HDAC9: variants seen among roughly 807,000 people sequenced by gnomAD.
HDAC9 encodes histone deacetylase 9.
HDAC9 carries 41 observed loss-of-function variants against 139.4 expected under a neutral mutation model. The observed-to-expected ratio is 0.29, with a 90% CI of 0.23 to 0.38. HDAC9 has a LOEUF of 0.38. Among genes scored for constraint, HDAC9 ranks in the 10% least tolerant of loss-of-function variants. The pLI, the probability that HDAC9 is intolerant of heterozygous loss-of-function variation, is 1.00. For synonymous variants in HDAC9, 517 were observed against 476.2 expected (o/e 1.09, Z -1.12); for missense variants, 1,147 against 1,297.0 (o/e 0.88, Z 1.78).
chr7:18,684,175 T>C (rs1031655301), intron 12 of HDAC9, among the ~76,000 whole-genome samples: 4 of 151,814 alleles, frequency 2.6e-5, no homozygotes, highest in African/African-American at 9.7e-5. Flanking sequence ...GGAGAGTCAC[T>C]TGAGCCTGGA....
chr7:18,559,887 A>C (rs2128702457), intron 2 of HDAC9, among the ~76,000 whole-genome samples: 1 of 152,324 alleles, frequency 6.6e-6, no homozygotes, highest in East Asian at 1.9e-4. Flanking sequence ...TATACCACCT[A>C]AATATAAGTC....
chr7:18,330,508 C>T lies in HDAC9; in HGVS notation c.-42+39993C>T, dbSNP rs115245750. 4.8e-3 allele frequency among the ~76,000 whole-genome samples: 731 copies of T among 151,576 alleles called. 4 individuals are homozygous for T. Among genetic ancestry groups the T allele is most frequent in the African/African-American group, 0.017 (689 of 41,408 alleles). On this transcript the variant is annotated intron_variant, in intron 1 of 3. Coordinates refer to the HDAC9 transcript ENST00000413509. ...GACTAATGGGTTGAAAAGATATTAACTTCAGAAAAACCAAAGAGAATTAAT... is the reference window on the plus strand; with the variant it reads ...GACTAATGGGTTGAAAAGATATTAATTTCAGAAAAACCAAAGAGAATTAAT...
intron 16 of HDAC9, among the ~76,000 whole-genome samples, chr7:18,787,928 C>G (rs1246105840): frequency 5.9e-5 from 9 of 152,114 alleles, no homozygotes; most frequent in Admixed American, 5.9e-4. Flanking sequence ...TCAAGATCAC[C>G]TTATTATTGG....
At chr7:18,701,781 G>C (rs1783508503) in intron 12 of HDAC9, among the ~76,000 whole-genome samples, 2 of 152,220 alleles carry the variant, frequency 1.3e-5, no homozygotes, top group Non-Finnish European at 2.9e-5. Flanking sequence ...CCACATATCT[G>C]TGATGTCTTG....
Position 18,663,938 on chromosome 7 carries a change from G to A in HDAC9, c.1468-2275G>A, listed in dbSNP as rs565942946. On this transcript the variant is annotated intron_variant, in intron 11 of 25. Coordinates refer to ENST00000686413, the MANE Select transcript of HDAC9 (RefSeq NM_178425.4). ...GTCCCTCTCTCTCTCTGAATAATGAGCGGATGTTTGTTACCCAGTGTCCTT... is the reference window on the plus strand; with the variant it reads ...GTCCCTCTCTCTCTCTGAATAATGAACGGATGTTTGTTACCCAGTGTCCTT... 2.0e-4 allele frequency among the ~76,000 whole-genome samples: 30 copies of A among 152,232 alleles called. 1 individual carries two copies. The highest frequency in any genetic ancestry group is 7.2e-4 in the African/African-American group (30 of 41,564).
chr7:18,819,278 T>TCAAAAAAAAAAA (rs1391937438), intron 17 of HDAC9, among the ~76,000 whole-genome samples: 2 of 152,062 alleles, frequency 1.3e-5, no homozygotes, highest in African/African-American at 4.8e-5. Flanking sequence ...AGACTCCATC[T>TCAAAAAAAAAAA]AAAAATAATA....
At chr7:18,837,332 A>G in intron 21 of HDAC9, among the ~76,000 whole-genome samples, 1 of 152,040 alleles carries the variant, frequency 6.6e-6, no homozygotes, top group East Asian at 1.9e-4. Context: ...ATAAAAAATT[A>G]TGTTAAAAAA....
chr7:18,685,582 C>A (rs1371478854), intron 12 of HDAC9, among the ~76,000 whole-genome samples: 1 of 151,932 alleles, frequency 6.6e-6, no homozygotes, highest in African/African-American at 2.4e-5. Context: ...AATTATTTTT[C>A]TTTTATGTTC....
chr7:18,538,147 T>A (rs1439693933), intron 2 of HDAC9, among the ~76,000 whole-genome samples: 1 of 152,208 alleles, frequency 6.6e-6, no homozygotes, highest in East Asian at 1.9e-4. Context: ...CACCCTGAAT[T>A]CATTTTCTGG....
At chr7:18,349,520 C>T (rs1283092269) in intron 1 of HDAC9, among the ~76,000 whole-genome samples, 3 of 152,106 alleles carry the variant, frequency 2.0e-5, no homozygotes, top group African/African-American at 4.8e-5. Context: ...TTTATCCCCA[C>T]TGCCTAGCAC....
intron 21 of HDAC9, among the ~76,000 whole-genome samples, chr7:18,857,934 T>A (rs915466524): frequency 1.7e-4 from 26 of 152,184 alleles, no homozygotes; most frequent in African/African-American, 6.3e-4. Context: ...GCTAATTTTT[T>A]AAATATGAGG....
At chr7:18,532,775 T>G (rs895716194) in intron 2 of HDAC9, among the ~76,000 whole-genome samples, 1 of 152,014 alleles carries the variant, frequency 6.6e-6, no homozygotes, top group Non-Finnish European at 1.5e-5. Flanking sequence ...AATCCTCCTT[T>G]TCACTCCACA....
intron 24 of HDAC9, among the ~76,000 whole-genome samples, chr7:18,966,412 G>C (rs1459958287): frequency 6.6e-6 from 1 of 152,194 alleles, no homozygotes; most frequent in Non-Finnish European, 1.5e-5. Context: ...TTAGAAGATA[G>C]AGTTAGGGGT....
chr7:18,785,252 A>T (rs1791612061), intron 16 of HDAC9, among the ~76,000 whole-genome samples: 1 of 152,038 alleles, frequency 6.6e-6, no homozygotes, highest in African/African-American at 2.4e-5. Flanking sequence ...AACAGCATTG[A>T]TTCTGTTCAG....
chr7:18,437,819 A>G (rs1216854265), intron 1 of HDAC9, among the ~76,000 whole-genome samples: 1 of 151,264 alleles, frequency 6.6e-6, no homozygotes, highest in Non-Finnish European at 1.5e-5. Context: ...TAAAAAGGGA[A>G]AGTCCCTCTC....
chr7:18,125,201 G>A (rs1020910564), intron 1 of HDAC9, among the ~76,000 whole-genome samples: 3 of 152,056 alleles, frequency 2.0e-5, no homozygotes, highest in Non-Finnish European at 4.4e-5. Flanking sequence ...TTTACCCTTT[G>A]TCTCAGCCAT....
At chr7:18,091,404 G>A (rs1207873142) in intron 1 of HDAC9, among the ~76,000 whole-genome samples, 1 of 152,222 alleles carries the variant, frequency 6.6e-6, no homozygotes, top group Non-Finnish European at 1.5e-5. Flanking sequence ...ATAAGAAGGA[G>A]ATGGGTGTGG....
chr7:18,919,368 G>A (rs1241145671), intron 22 of HDAC9, among the ~76,000 whole-genome samples: 1 of 151,990 alleles, frequency 6.6e-6, no homozygotes, highest in African/African-American at 2.4e-5. Flanking sequence ...ACTATATTTT[G>A]TGAGAGCCAG....
chr7:18,880,148 C>G (rs1260018418), intron 22 of HDAC9, among the ~76,000 whole-genome samples: 1 of 151,920 alleles, frequency 6.6e-6, no homozygotes, highest in Admixed American at 6.6e-5. Flanking sequence ...AAGAAAAAGT[C>G]AAAAAATAAC....
Sources: allele counts gnomAD v4.1 joint callset (sites outside exome capture counted in the v4.1 genomes callset), GRCh38; gene constraint gnomAD v4.1.1; transcripts MANE v1.5; gene names NCBI Gene and HGNC (gene_info 2026-07-23, HGNC 2026-07-21).